The following INPP5A variants were observed in gnomAD, a reference collection of about 807,000 sequenced individuals.
The protein encoded by INPP5A is 43 kDa inositol polyphosphate 5-phophatase.
In INPP5A, 14 loss-of-function variants were observed where a neutral mutation model predicts 65.2. The ratio of observed to expected loss-of-function variants is 0.21; its 90% CI spans 0.14 to 0.34. INPP5A has a LOEUF of 0.34. Among genes scored for constraint, INPP5A ranks in the 10% least tolerant of loss-of-function variants. The pLI is 1.00. For missense variants in INPP5A, 431 were observed against 545.6 expected (o/e 0.79, Z 2.09); for synonymous variants, 207 against 208.3 (o/e 0.99, Z 0.05).
chr10:132,683,612 G>GTA (rs904744428), intron 4 of INPP5A, among the ~76,000 whole-genome samples: 2 of 152,250 alleles, frequency 1.3e-5, no homozygotes, highest in African/African-American at 4.8e-5. Context: ...CACTTGCTCA[G>GTA]TAACACCATG....
rs558809217 is a variant in INPP5A at position 132,659,832 on chromosome 10, A to T, written c.306+9327A>T. On this transcript the variant is annotated intron_variant, in intron 4 of 15. Transcript: ENST00000368594. The surrounding 1 kb of genome is among the most constrained non-coding windows in gnomAD (Gnocchi z 5.5). The stretch of plus-strand genomic sequence containing the variant: ...GGAGCATGGAGAAGGCCAGTGCCTC[A>T]TCACAGAGCCAGATGCCCACAACAG... Among the ~76,000 whole-genome samples the T allele has an allele frequency of 3.5e-4, 54 of 152,352 alleles. 2 individuals carry two copies. The South Asian group carries it at 0.011, about 30-fold the overall frequency.
intron 9 of INPP5A, among the ~76,000 whole-genome samples, chr10:132,744,739 C>T (rs928129759): frequency 6.6e-6 from 1 of 152,182 alleles, no homozygotes. Context: ...ACAGAGGACA[C>T]GGCTCTCAAG....
intron 11 of INPP5A, among the ~76,000 whole-genome samples, chr10:132,759,935 T>C (rs1466962678): frequency 6.6e-6 from 1 of 152,034 alleles, no homozygotes; most frequent in Non-Finnish European, 1.5e-5. Context: ...CTGGGGACAC[T>C]CACTCAGGGC....
intron 2 of INPP5A, among the ~76,000 whole-genome samples, chr10:132,628,362 C>T (rs1034479406): frequency 2.1e-5 from 3 of 143,308 alleles, no homozygotes; most frequent in Non-Finnish European, 3.0e-5. Context: ...TGAATTCCAC[C>T]GGGCCGGCAG....
At chr10:132,607,624 T>A (rs1254508192) in intron 1 of INPP5A, among the ~76,000 whole-genome samples, 2 of 152,252 alleles carry the variant, frequency 1.3e-5, no homozygotes, top group African/African-American at 4.8e-5. Context: ...ACACAGAGCC[T>A]TCCCCTCCTC....
rs531818521 is a variant in INPP5A at position 132,727,529 on chromosome 10, TGC to T, written c.732+625_732+626del. On this transcript the variant is annotated intron_variant, in intron 9 of 15. Transcript: ENST00000368594. This position sits in a 1 kb window ranked among gnomAD's most constrained non-coding sequence, Gnocchi z 6.5. ...ACAGGAAGTGGGCCTCTAGGCTCAG[TGC>T]AAGGGCCGATGTTTCTCTGTGGTCC... is the stretch of plus-strand genomic sequence containing the variant. Among the ~76,000 whole-genome samples, 18 of 151,220 alleles carry T rather than the reference TGC, an allele frequency of 1.2e-4. No individual in the cohort carries two copies. The South Asian group carries it at 2.1e-3, about 18-fold the overall frequency.
In INPP5A at chr10:132,675,256, G is replaced by A. The variant is rs1008229041; in HGVS notation, c.307-15136G>A. 3.3e-5 allele frequency among the ~76,000 whole-genome samples: 5 copies of A among 152,244 alleles called. No individual in the cohort carries two copies. Among genetic ancestry groups the A allele is most frequent in the Admixed American group, 6.5e-5 (1 of 15,290 alleles). On this transcript the variant is annotated intron_variant, in intron 4 of 15. Coordinates refer to ENST00000368594, the MANE Select transcript of INPP5A (RefSeq NM_005539.5). This position sits in a 1 kb window ranked among gnomAD's most constrained non-coding sequence, Gnocchi z 4.2. Reference sequence around the variant, plus strand: ...GGTAACCGCAGGGGACGGTGCAGCCGCATCTTCCGTGTCCTTGGAGGAAAT... The same window carrying A: ...GGTAACCGCAGGGGACGGTGCAGCCACATCTTCCGTGTCCTTGGAGGAAAT...
intron 2 of INPP5A, among the ~76,000 whole-genome samples, chr10:132,609,055 T>C (rs2071903713): frequency 6.6e-6 from 1 of 152,182 alleles, no homozygotes; most frequent in Non-Finnish European, 1.5e-5. Context: ...AGTCCCCCCA[T>C]AGGGACAACG....
At position 132,635,442 on chromosome 10, in the gene INPP5A, C is replaced by T. The variant is rs1192303826; in HGVS notation, c.118-10426C>T. ...ACGGAGTCTCGCTCTGTTGCCCAGGCTGGAGTGCAGTGGCGCGATCTTGGC... is the reference window on the plus strand; with the variant it reads ...ACGGAGTCTCGCTCTGTTGCCCAGGTTGGAGTGCAGTGGCGCGATCTTGGC... On this transcript the variant is annotated intron_variant, in intron 2 of 15. Transcript: ENST00000368594. Among the ~76,000 whole-genome samples, 14 of 117,108 alleles carry T rather than the reference C, an allele frequency of 1.2e-4. No homozygotes were observed. The Admixed American group carries it at 1.5e-3, about 13-fold the overall frequency. 76.8% of individuals were successfully genotyped at this position (117,108 alleles called of 152,430 possible).
intron 9 of INPP5A, among the ~76,000 whole-genome samples, chr10:132,729,311 C>T (rs960412493): frequency 2.0e-5 from 3 of 152,226 alleles, no homozygotes; most frequent in Admixed American, 2.0e-4. Flanking sequence ...CCTGGCCTCC[C>T]TAAGTGCCTT....
intron 1 of INPP5A, among the ~76,000 whole-genome samples, chr10:132,577,403 G>A (rs2071423620): frequency 6.6e-6 from 1 of 152,236 alleles, no homozygotes; most frequent in Non-Finnish European, 1.5e-5. Flanking sequence ...TCCTACAGGT[G>A]GCATTCCTGT....
intron 1 of INPP5A, among the ~76,000 whole-genome samples, chr10:132,560,115 G>A (rs2071183595): frequency 6.6e-6 from 1 of 152,006 alleles, no homozygotes; most frequent in African/African-American, 2.4e-5. Flanking sequence ...CAGCTCTCTT[G>A]GGTGTAGACC....
intron 1 of INPP5A, among the ~76,000 whole-genome samples, chr10:132,588,294 TA>T (rs1425500410): frequency 6.6e-6 from 1 of 152,228 alleles, no homozygotes; most frequent in Non-Finnish European, 1.5e-5. Flanking sequence ...CTAACAGGAA[TA>T]ATATTCTGAG....
At chr10:132,752,384 A>T (rs1356339464) in intron 11 of INPP5A, among the ~76,000 whole-genome samples, 1 of 139,358 alleles carries the variant, frequency 7.2e-6, no homozygotes, top group Non-Finnish European at 1.5e-5. Flanking sequence ...GGCAGGGGAC[A>T]GTTCCCAGCC....
In INPP5A at chr10:132,616,846, T is replaced by C. The variant is rs1228693660; in HGVS notation, c.117+8890T>C. ...CCATGCAGCAGGGAGGAAGGCCAGC[T>C]TCACGCTGCAGGAGCTCCTGGGCAG... On this transcript the variant is annotated intron_variant, in intron 2 of 15. Coordinates refer to ENST00000368594, the MANE Select transcript of INPP5A (RefSeq NM_005539.5). This position sits in a 1 kb window ranked among gnomAD's most constrained non-coding sequence, Gnocchi z 4.9. Among the ~76,000 whole-genome samples the C allele has an allele frequency of 6.6e-6, 1 of 152,044 alleles. No homozygotes were observed. Among genetic ancestry groups the C allele is most frequent in the Non-Finnish European group, 1.5e-5 (1 of 67,986 alleles).
At position 132,650,524 on chromosome 10, in the gene INPP5A, C is replaced by T; in HGVS notation, c.306+19C>T. The T allele has an allele frequency of 6.4e-7, 1 of 1,573,688 alleles. No homozygotes were observed. Among genetic ancestry groups the T allele is most frequent in the Non-Finnish European group, 8.7e-7 (1 of 1,144,450 alleles). ...CTTCACGGTGAGTCCCTCCCGCTGCCTGGTGCAGGGGTCAGACAGGCTGGC... is the reference window on the plus strand; with the variant it reads ...CTTCACGGTGAGTCCCTCCCGCTGCTTGGTGCAGGGGTCAGACAGGCTGGC... On this transcript the variant is annotated intron_variant, in intron 4 of 15. Transcript: ENST00000368594. This position sits in a 1 kb window ranked among gnomAD's most constrained non-coding sequence, Gnocchi z 5.5.
rs758599700 is a variant in INPP5A, at chr10:132,749,859, C to A, written c.903+14C>A. The A allele has an allele frequency of 1.9e-6, 3 of 1,610,980 alleles. No individual in the cohort carries two copies. In the South Asian group the frequency reaches 3.3e-5, roughly 18 times the overall value. On this transcript the variant is annotated intron_variant, in intron 11 of 15. Transcript: ENST00000368594. Reference sequence around the variant, plus strand: ...AACGGCACCGCGGTGAGTTTGTGGTCCAATGTGGCAGCTCCCCCGTCCTGG... The same window carrying A: ...AACGGCACCGCGGTGAGTTTGTGGTACAATGTGGCAGCTCCCCCGTCCTGG...
intron 12 of INPP5A, 83 bp downstream of exon 12, chr10:132,765,929 CTG>C (rs1846834192): frequency 8.6e-6 from 7 of 813,138 alleles, no homozygotes; most frequent in Non-Finnish European, 1.5e-5. Flanking sequence ...ATCTGCGTGT[CTG>C]TGTGTGCCAG....
chr10:132,757,563 G>A (rs1358883622), intron 11 of INPP5A, among the ~76,000 whole-genome samples: 1 of 152,242 alleles, frequency 6.6e-6, no homozygotes, highest in Non-Finnish European at 1.5e-5. Context: ...ATCGCCTAAG[G>A]GTGCGTTTCT....
Sources: gnomAD v4.1 joint callset for allele counts (sites outside exome capture counted in the v4.1 genomes callset) on GRCh38, gnomAD v4.1.1 for gene constraint, Gnocchi (gnomAD v3.1) non-coding constraint, MANE v1.5 for transcripts, NCBI Gene and HGNC (gene_info 2026-07-23, HGNC 2026-07-21) for gene names.